AXDND1: variants seen among roughly 807,000 people sequenced by gnomAD.
The protein encoded by AXDND1 is axonemal dynein light chain domain-containing protein 1.
Under a neutral mutation model 137.5 loss-of-function variants are expected in AXDND1, and 110 were observed. The observed-to-expected ratio is 0.80, with a 90% CI of 0.69 to 0.94. The LOEUF (loss-of-function observed/expected upper bound fraction) is 0.94, where lower values mean the gene tolerates loss of function less well. AXDND1 is among the 40% of genes least tolerant of loss of function. AXDND1 has a pLI of 0.00. For synonymous variants in AXDND1, 414 were observed against 399.7 expected (o/e 1.04, Z -0.43); for missense variants, 1,191 against 1,169.8 (o/e 1.02, Z -0.26).
chr1:179,391,636 A>G (rs1018168833), intron 9 of AXDND1, among the ~76,000 whole-genome samples: 7 of 152,026 alleles, frequency 4.6e-5, no homozygotes, highest in African/African-American at 1.5e-4. Context: ...TCCTGGGTTC[A>G]GGTGATTCTC....
intron 20 of AXDND1, among the ~76,000 whole-genome samples, chr1:179,498,934 C>G (rs1667727084): frequency 6.6e-6 from 1 of 151,936 alleles, no homozygotes; most frequent in Non-Finnish European, 1.5e-5. Flanking sequence ...ACAACAGATG[C>G]TAGTGAGGCT....
At chr1:179,513,129 C>G (rs1669209470) in intron 21 of AXDND1, among the ~76,000 whole-genome samples, 3 of 152,076 alleles carry the variant, frequency 2.0e-5, no homozygotes, top group Admixed American at 2.0e-4. Context: ...GGGTAGGTAT[C>G]CTTGTCTCAT....
intron 25 of AXDND1, chr1:179,543,226 A>T (rs1283319978): frequency 6.6e-6 from 1 of 152,098 alleles, no homozygotes; most frequent in Non-Finnish European, 1.5e-5. Flanking sequence ...TTTTATTTTT[A>T]TGTCAGTATT....
intron 5 of AXDND1, among the ~76,000 whole-genome samples, chr1:179,378,992 T>G (rs1647764256): frequency 6.6e-6 from 1 of 152,206 alleles, no homozygotes; most frequent in Non-Finnish European, 1.5e-5. Flanking sequence ...ACAGTTAATC[T>G]GTTTTAATCT....
At chr1:179,457,990 C>CT (rs34295838) in intron 16 of AXDND1, among the ~76,000 whole-genome samples, 28,219 of 145,470 alleles carry the variant, frequency 0.19, 2,738 homozygotes, top group Non-Finnish European at 0.22. Context: ...CTTTCCTTCT[C>CT]TTTTTTTTTT....
intron 20 of AXDND1, among the ~76,000 whole-genome samples, chr1:179,504,308 C>T (rs928432883): frequency 7.9e-5 from 12 of 152,120 alleles, no homozygotes; most frequent in Non-Finnish European, 1.6e-4. Flanking sequence ...AGGCCTGCTG[C>T]GAATAGCCCC....
chr1:179,408,753 T>A (rs1481836589), intron 11 of AXDND1, among the ~76,000 whole-genome samples: 1 of 152,150 alleles, frequency 6.6e-6, no homozygotes, highest in Non-Finnish European at 1.5e-5. Context: ...TGATCATGGC[T>A]CACTGCAGCC....
intron 17 of AXDND1, among the ~76,000 whole-genome samples, chr1:179,481,921 G>A (rs868814198): frequency 2.0e-5 from 3 of 152,074 alleles, no homozygotes; most frequent in Non-Finnish European, 2.9e-5. Flanking sequence ...AGTTGTCTTA[G>A]TGCCTGGTTG....
chr1:179,447,563 T>A, intron 16 of AXDND1: 2 of 912,490 alleles, frequency 2.2e-6, no homozygotes, highest in Non-Finnish European at 3.2e-6. Flanking sequence ...AATACATGTT[T>A]TAAAGAATGA....
At chr1:179,420,811 C>T (rs188339269) in intron 12 of AXDND1, among the ~76,000 whole-genome samples, 46 of 151,802 alleles carry the variant, frequency 3.0e-4, no homozygotes, top group African/African-American at 8.7e-4. Flanking sequence ...TTAGTAGAGA[C>T]GGTTTCACCA....
chr1:179,379,547 A>T (rs1450164538), intron 6 of AXDND1, 65 bp downstream of exon 6: 2 of 1,573,272 alleles, frequency 1.3e-6, no homozygotes, highest in African/African-American at 2.7e-5. Context: ...TAATCCCAGC[A>T]CTTTGCGAGG....
Position 179,432,362 on chromosome 1 carries a change from A to C in AXDND1, c.1563+20A>C. The C allele has an allele frequency of 2.6e-6, 4 of 1,545,930 alleles. No individual in the cohort carries two copies. Among genetic ancestry groups the C allele is most frequent in the Non-Finnish European group, 3.5e-6 (4 of 1,143,946 alleles). On this transcript the variant is annotated intron_variant, in intron 15 of 25. Transcript: ENST00000367618. The stretch of plus-strand genomic sequence containing the variant: ...CAGAAGGTAAGACTTTTTAATAAAG[A>C]GCTTGGCAATCAAAGTGCTGATTGT...
At chr1:179,406,741 T>G (rs998327338) in intron 11 of AXDND1, among the ~76,000 whole-genome samples, 1 of 152,160 alleles carries the variant, frequency 6.6e-6, no homozygotes, top group African/African-American at 2.4e-5. Flanking sequence ...AGGCTATATA[T>G]GTTTTCGCAA....
rs1667885767 is a variant in AXDND1, at chr1:179,500,416, GA to G, written c.2388+7470del. On this transcript the variant is annotated intron_variant, in intron 20 of 25. Transcript: ENST00000367618. ...CCAGCATTAAGTAGTTATGAAACAT[GA>G]AAAAGGTAATATTTATAATAATTTC... Among the ~76,000 whole-genome samples, 4 of 147,154 alleles carry G rather than the reference GA, an allele frequency of 2.7e-5. No individual in the cohort carries two copies. The South Asian group carries it at 8.8e-4, about 32-fold the overall frequency.
chr1:179,535,310 G>C (rs2125710467), intron 25 of AXDND1, among the ~76,000 whole-genome samples: 1 of 152,046 alleles, frequency 6.6e-6, no homozygotes, highest in East Asian at 1.9e-4. Flanking sequence ...TGCCATGTTG[G>C]TGTGCTGCAC....
chr1:179,502,748 T>A (rs1668134500), intron 20 of AXDND1, among the ~76,000 whole-genome samples: 1 of 151,832 alleles, frequency 6.6e-6, no homozygotes, highest in South Asian at 2.1e-4. Flanking sequence ...TCTATTCATC[T>A]GTCAGTATAC....
chr1:179,422,709 A>G (rs1000366297), intron 12 of AXDND1, among the ~76,000 whole-genome samples: 12 of 152,074 alleles, frequency 7.9e-5, no homozygotes, highest in African/African-American at 2.7e-4. Context: ...TTGTCTGTCC[A>G]TTACTGAAAA....
In AXDND1 at chr1:179,448,061, C is replaced by T. The variant is rs1295021368; in HGVS notation, c.1798+2857C>T. On this transcript the variant is annotated intron_variant, in intron 16 of 25. Coordinates refer to ENST00000367618, the MANE Select transcript of AXDND1 (RefSeq NM_144696.6). ...ATTGAAAAATTCTGAGGTGGCAAAC[C>T]AGGTGCAATGTTATGATTCTGCATC... The T allele has an allele frequency of 3.5e-6, 4 of 1,158,842 alleles. No homozygotes were observed. In the Admixed American group the frequency reaches 5.2e-5, roughly 15 times the overall value. The allele number at this position is 1,158,842 out of a possible 1,614,324, so 71.8% of individuals were successfully genotyped here.
intron 15 of AXDND1, 146 bp downstream of exon 15, chr1:179,432,488 T>C: frequency 8.5e-7 from 1 of 1,176,130 alleles, no homozygotes; most frequent in Non-Finnish European, 1.1e-6. Flanking sequence ...CGCAGTAGTG[T>C]GATCTTGGTT....
Sources: gnomAD v4.1 joint callset for allele counts (sites outside exome capture counted in the v4.1 genomes callset) on GRCh38, gnomAD v4.1.1 for gene constraint, MANE v1.5 for transcripts, NCBI Gene and HGNC (gene_info 2026-07-23, HGNC 2026-07-21) for gene names.